Variants in PHF24 observed in about 807,000 individuals in gnomAD.
The protein encoded by PHF24 is PHD finger protein 24, also known as Galpha inhibitory interacting protein.
Under a neutral mutation model 42.6 loss-of-function variants are expected in PHF24, and 25 were observed. The observed-to-expected ratio is 0.59, with a 90% CI of 0.43 to 0.82. The LOEUF is 0.82. PHF24 is among the 40% of genes least tolerant of loss of function. PHF24 has a pLI of 0.00. For missense variants in PHF24, 470 were observed against 538.1 expected (o/e 0.87, Z 1.25); for synonymous variants, 185 against 204.8 (o/e 0.90, Z 0.83).
At chr9:34,753,700 G>T in the PHF24 span, among the ~76,000 whole-genome samples, 3 of 151,984 alleles carry the variant, frequency 2.0e-5, no homozygotes, top group African/African-American at 7.2e-5. Flanking sequence ...CTGAGCAAAA[G>T]AACAAAACTA....
At chr9:34,977,463 C>G (rs2132935944) in intron 6 of PHF24, 83 bp from the exon 7 acceptor site, 1 of 1,410,414 alleles carries the variant, frequency 7.1e-7, no homozygotes, top group Middle Eastern at 1.8e-4. Flanking sequence ...TGAGCATGTC[C>G]AGAGCCTTGG....
chr9:34,979,965 A>C (rs1194725507), exon 8 of PHF24: 2 of 152,238 alleles, frequency 1.3e-5, no homozygotes, highest in Admixed American at 6.5e-5. Context: ...TAAGAACTGC[A>C]TCTGAAGCAG....
chr9:34,779,979 G>A, the PHF24 span, among the ~76,000 whole-genome samples: 38 of 152,286 alleles, frequency 2.5e-4, no homozygotes, highest in African/African-American at 8.2e-4. Context: ...ACCTGCCTCA[G>A]CCTCCCAAAG....
the PHF24 span, among the ~76,000 whole-genome samples, chr9:34,879,361 CTT>C: frequency 6.6e-6 from 1 of 152,170 alleles, no homozygotes; most frequent in Non-Finnish European, 1.5e-5. Flanking sequence ...CAGAGAATGA[CTT>C]TGATGAGTTG....
the PHF24 span, among the ~76,000 whole-genome samples, chr9:34,901,844 A>G: frequency 1.3e-5 from 2 of 152,230 alleles, no homozygotes; most frequent in Admixed American, 6.5e-5. Flanking sequence ...AAAAGCTTGT[A>G]TATGTTGAGA....
At chr9:34,827,583 C>T in the PHF24 span, among the ~76,000 whole-genome samples, 1 of 152,080 alleles carries the variant, frequency 6.6e-6, no homozygotes, top group Non-Finnish European at 1.5e-5. Flanking sequence ...GTGAGTGATC[C>T]TGGGTTTCCT....
At chr9:34,752,936 A>T in the PHF24 span, among the ~76,000 whole-genome samples, 1 of 152,164 alleles carries the variant, frequency 6.6e-6, no homozygotes, top group East Asian at 1.9e-4. Context: ...GGACCAAATC[A>T]TGTGATCATT....
chr9:34,831,458 G>T, the PHF24 span, among the ~76,000 whole-genome samples: 2 of 152,132 alleles, frequency 1.3e-5, no homozygotes, highest in Admixed American at 6.5e-5. Flanking sequence ...CATATGTTTA[G>T]AAAACCTCTT....
the PHF24 span, among the ~76,000 whole-genome samples, chr9:34,702,243 G>A: frequency 1.3e-5 from 2 of 152,068 alleles, no homozygotes; most frequent in Non-Finnish European, 2.9e-5. Context: ...AAGGAAATGA[G>A]AATGGAAAAT....
the PHF24 span, among the ~76,000 whole-genome samples, chr9:34,750,489 CAAAA>C: frequency 4.4e-5 from 5 of 114,850 alleles, no homozygotes; most frequent in African/African-American, 1.0e-4. Flanking sequence ...GACTCTATCT[CAAAA>C]ATAAATAAAT....
chr9:34,818,442 T>C, the PHF24 span, among the ~76,000 whole-genome samples: 2 of 152,198 alleles, frequency 1.3e-5, no homozygotes, highest in African/African-American at 4.8e-5. Context: ...TCATACTGTT[T>C]TTTCGTCTTT....
rs565652511 is a variant in PHF24, at chr9:34,968,579, T to C, written c.-4-2716T>C. Among the ~76,000 whole-genome samples the C allele has an allele frequency of 2.6e-5, 4 of 152,308 alleles. No homozygotes were observed. In the South Asian group the frequency reaches 8.3e-4, roughly 32 times the overall value. On this transcript the variant is annotated intron_variant, in intron 1 of 7. Coordinates refer to ENST00000242315, the Ensembl canonical transcript of PHF24. ...ATAAATTCAAGAATATGAATTTCCTTGGTAGTAGTAGTGGCAAGGCAAGCA... is the reference window on the plus strand; with the variant it reads ...ATAAATTCAAGAATATGAATTTCCTCGGTAGTAGTAGTGGCAAGGCAAGCA...
the PHF24 span, among the ~76,000 whole-genome samples, chr9:34,711,434 T>C: frequency 2.0e-5 from 3 of 152,204 alleles, no homozygotes; most frequent in African/African-American, 7.2e-5. Flanking sequence ...GGTCTCACTA[T>C]GTTGCCCAGG....
the PHF24 span, chr9:34,894,550 A>G: frequency 5.0e-6 from 2 of 398,542 alleles, no homozygotes; most frequent in Non-Finnish European, 8.9e-6. Flanking sequence ...GAGAGGATTC[A>G]GGGACATCCT....
At chr9:34,732,272 C>T in the PHF24 span, among the ~76,000 whole-genome samples, 5 of 152,136 alleles carry the variant, frequency 3.3e-5, no homozygotes, top group Admixed American at 2.0e-4. Flanking sequence ...TTCATTGTTA[C>T]CTGTCTTTTG....
At chr9:34,767,616 C>G in the PHF24 span, among the ~76,000 whole-genome samples, 21 of 152,358 alleles carry the variant, frequency 1.4e-4, no homozygotes, top group African/African-American at 5.0e-4. Flanking sequence ...TCACCCCTTT[C>G]TTTGACTAGG....
chr9:34,673,968 C>A, the PHF24 span, among the ~76,000 whole-genome samples: 1 of 152,180 alleles, frequency 6.6e-6, no homozygotes, highest in Admixed American at 6.5e-5. Context: ...GTTGCCCAGG[C>A]AGGTGTCAAA....
At chr9:34,887,705 T>C in the PHF24 span, among the ~76,000 whole-genome samples, 1 of 152,314 alleles carries the variant, frequency 6.6e-6, no homozygotes, top group East Asian at 1.9e-4. Flanking sequence ...AAGTCTTCTC[T>C]AATCCCATTA....
At chr9:34,858,592 T>A in the PHF24 span, among the ~76,000 whole-genome samples, 1 of 152,134 alleles carries the variant, frequency 6.6e-6, no homozygotes, top group African/African-American at 2.4e-5. Flanking sequence ...GAAGCCTGTG[T>A]CTGTTGGTGC....
Sources: gnomAD v4.1 joint callset for allele counts (sites outside exome capture counted in the v4.1 genomes callset) on GRCh38, gnomAD v4.1.1 for gene constraint, MANE v1.5 for transcripts, NCBI Gene and HGNC (gene_info 2026-07-23, HGNC 2026-07-21) for gene names.